Variants in KIFAP3 observed in about 807,000 individuals in gnomAD.
The protein encoded by KIFAP3 is kinesin-associated protein 3.
In KIFAP3, 68 loss-of-function variants were observed where a neutral mutation model predicts 106.5. The ratio of observed to expected loss-of-function variants is 0.64; its 90% CI spans 0.53 to 0.78. The LOEUF (loss-of-function observed/expected upper bound fraction) is 0.78. Among genes scored for constraint, KIFAP3 ranks in the 30% least tolerant of loss-of-function variants. The probability of loss-of-function intolerance (pLI) is 0.00; values close to 1 mark genes in which losing one functional copy is unlikely to be tolerated. For missense variants in KIFAP3, 780 were observed against 941.8 expected (o/e 0.83, Z 2.25); for synonymous variants, 320 against 311.5 (o/e 1.03, Z -0.29).
At chr1:169,998,194 G>T (rs1284809590) in intron 10 of KIFAP3, among the ~76,000 whole-genome samples, 1 of 151,964 alleles carries the variant, frequency 6.6e-6, no homozygotes, top group Non-Finnish European at 1.5e-5. Flanking sequence ...GGGCTATCAA[G>T]CAGACGAAAG....
At chr1:169,993,076 A>G (rs1329727580) in intron 10 of KIFAP3, among the ~76,000 whole-genome samples, 1 of 151,256 alleles carries the variant, frequency 6.6e-6, no homozygotes, top group Non-Finnish European at 1.5e-5. Context: ...AATTCTTTAG[A>G]GGAAATAAAC....
intron 19 of KIFAP3, among the ~76,000 whole-genome samples, chr1:169,930,803 TTC>T (rs1245157171): frequency 9.9e-5 from 15 of 152,216 alleles, no homozygotes; most frequent in African/African-American, 3.4e-4. Context: ...TCATATAAAT[TTC>T]TGTTACATTT....
intron 10 of KIFAP3, among the ~76,000 whole-genome samples, chr1:170,010,616 A>C (rs1668196137): frequency 6.6e-6 from 1 of 151,966 alleles, no homozygotes; most frequent in Non-Finnish European, 1.5e-5. Flanking sequence ...TCAGTCATTA[A>C]CACCAATCTC....
upstream of KIFAP3, among the ~76,000 whole-genome samples, chr1:170,075,922 T>A (rs1671894371): frequency 6.6e-6 from 1 of 152,238 alleles, no homozygotes; most frequent in African/African-American, 2.4e-5. Context: ...TATTTTTTGT[T>A]TTTCTAAATA....
intron 7 of KIFAP3, chr1:170,032,187 G>A: frequency 2.3e-6 from 1 of 440,868 alleles, no homozygotes; most frequent in Non-Finnish European, 4.1e-6. Context: ...TTCCCTGGGA[G>A]TCTTTGGGTG....
intron 9 of KIFAP3, among the ~76,000 whole-genome samples, chr1:170,020,678 G>A (rs997575867): frequency 6.6e-6 from 1 of 152,116 alleles, no homozygotes; most frequent in African/African-American, 2.4e-5. Flanking sequence ...TCTATCTCCT[G>A]ACCTCGTGAT....
At chr1:169,988,182 TAA>T (rs1233667988) in intron 11 of KIFAP3, among the ~76,000 whole-genome samples, 1 of 152,094 alleles carries the variant, frequency 6.6e-6, no homozygotes, top group Admixed American at 6.6e-5. Flanking sequence ...AAATATTTTC[TAA>T]AAGTGAATTC....
chr1:170,063,820 T>C (rs1187316597), intron 1 of KIFAP3, among the ~76,000 whole-genome samples: 3 of 152,212 alleles, frequency 2.0e-5, no homozygotes, highest in Non-Finnish European at 4.4e-5. Flanking sequence ...AAAATTGTGT[T>C]TCAAATTCAG....
At chr1:169,938,220 A>G (rs976890320) in intron 19 of KIFAP3, among the ~76,000 whole-genome samples, 3 of 151,976 alleles carry the variant, frequency 2.0e-5, no homozygotes, top group Non-Finnish European at 2.9e-5. Flanking sequence ...GTAGTATAAT[A>G]CAAGTACACT....
At chr1:170,010,160 TA>T (rs1163314033) in intron 10 of KIFAP3, among the ~76,000 whole-genome samples, 1 of 151,736 alleles carries the variant, frequency 6.6e-6, no homozygotes, top group Non-Finnish European at 1.5e-5. Context: ...AAAATAACAT[TA>T]AAAAATAAGA....
At chr1:169,991,775 TTA>T (rs1290326183) in intron 11 of KIFAP3, among the ~76,000 whole-genome samples, 3 of 152,106 alleles carry the variant, frequency 2.0e-5, no homozygotes, top group South Asian at 2.1e-4. Flanking sequence ...AATATTTAAA[TTA>T]TGTTACATCC....
At chr1:169,926,079 T>C (rs1312143902) in intron 19 of KIFAP3, among the ~76,000 whole-genome samples, 6 of 152,216 alleles carry the variant, frequency 3.9e-5, no homozygotes, top group Admixed American at 6.5e-5. Flanking sequence ...GGCTACACTT[T>C]TATTCACAAC....
intron 9 of KIFAP3, among the ~76,000 whole-genome samples, chr1:170,017,759 C>A (rs914822521): frequency 6.6e-6 from 1 of 152,168 alleles, no homozygotes; most frequent in Non-Finnish European, 1.5e-5. Context: ...TAACTAAACA[C>A]CAACTTGTAA....
At position 169,961,054 on chromosome 1, in the gene KIFAP3, T is replaced by A; in HGVS notation, c.2165A>T (p.Tyr722Phe). 6.2e-7 allele frequency: 1 copy of A among 1,611,568 alleles called. No individual in the cohort carries two copies. Among genetic ancestry groups the A allele is most frequent in the East Asian group, 2.2e-5 (1 of 44,782 alleles). ...GDILERPDLF[Y>F]NSDGLIASEG... ...TTCGCTTTGGTTATCACCTGAGTTG[T>A]AGAAAAGGTCAGGTCTTTCGAGAAT... Residue 722 changes from tyrosine to phenylalanine, a missense_variant, in exon 18 of 20, where the codon TAC (tyrosine) becomes TTC (phenylalanine). Coordinates refer to ENST00000361580, the MANE Select transcript of KIFAP3 (RefSeq NM_014970.4).
chr1:170,032,094 T>C (rs1669442890), intron 7 of KIFAP3, 110 bp from the exon 8 acceptor site: 1 of 643,928 alleles, frequency 1.6e-6, no homozygotes, highest in Admixed American at 2.5e-5. Context: ...TATCCAGTTA[T>C]TTTTCTCACC....
chr1:170,047,014 C>T (rs1263850436), intron 2 of KIFAP3, 148 bp from the exon 3 acceptor site: 1 of 416,828 alleles, frequency 2.4e-6, no homozygotes, highest in Non-Finnish European at 4.0e-6. Flanking sequence ...TATAATTAGG[C>T]TTAGAAAAAT....
In KIFAP3 at chr1:169,992,150, C is replaced by A; in HGVS notation, c.1284+5G>T. ...TGTTTTTCATAAAACACTTAAACCA[C>A]TTACCTGTGGTATACAGTCAGTGTA... is the stretch of plus-strand genomic sequence containing the variant. On this transcript the variant is annotated splice_donor_5th_base_variant and intron_variant, in intron 11 of 19. Coordinates refer to ENST00000361580, the MANE Select transcript of KIFAP3 (RefSeq NM_014970.4). The A allele has an allele frequency of 7.1e-7, 1 of 1,410,718 alleles. No individual in the cohort carries two copies. The highest frequency in any genetic ancestry group is 9.5e-7 in the Non-Finnish European group (1 of 1,054,174). The allele number at this position is 1,410,718 out of a possible 1,614,324, so 87.4% of individuals were successfully genotyped here.
intron 10 of KIFAP3, among the ~76,000 whole-genome samples, chr1:170,003,738 A>C (rs535644184): frequency 2.0e-5 from 3 of 152,050 alleles, no homozygotes; most frequent in African/African-American, 7.2e-5. Context: ...CTATGACAAA[A>C]CCACAGCCAA....
chr1:170,063,787 T>C (rs772026120), intron 1 of KIFAP3, among the ~76,000 whole-genome samples: 2 of 152,190 alleles, frequency 1.3e-5, no homozygotes, highest in Non-Finnish European at 2.9e-5. Context: ...TTGCGGGACC[T>C]TTCCCTGTCC....
Sources: allele counts gnomAD v4.1 joint callset (sites outside exome capture counted in the v4.1 genomes callset), GRCh38; gene constraint gnomAD v4.1.1; transcripts MANE v1.5; gene names NCBI Gene and HGNC (gene_info 2026-07-23, HGNC 2026-07-21).